Variants in ROR1 observed in about 807,000 individuals in gnomAD.
The protein encoded by ROR1 is ROR family WNT receptor 1.
Under a neutral mutation model 78.8 loss-of-function variants are expected in ROR1, and 19 were observed. The observed-to-expected ratio is 0.24, with a 90% CI of 0.17 to 0.35. ROR1 has a LOEUF of 0.35. Ranked by LOEUF, ROR1 falls within the 10% of genes least tolerant of loss-of-function variation. The pLI is 1.00. For synonymous variants in ROR1, 386 were observed against 433.6 expected, an observed-to-expected ratio of 0.89 and a Z score of 1.36; for missense variants, 917 against 1,177.8, an observed-to-expected ratio of 0.78 and a Z score of 3.24.
intron 1 of ROR1, among the ~76,000 whole-genome samples, chr1:63,814,130 G>A (rs975279019): frequency 4.6e-5 from 7 of 152,216 alleles, no homozygotes; most frequent in Non-Finnish European, 2.9e-5. Flanking sequence ...GTTTGAGTCA[G>A]GTCAGGGTCA....
chr1:64,069,801 G>A (rs1386274256), intron 4 of ROR1, among the ~76,000 whole-genome samples: 1 of 152,106 alleles, frequency 6.6e-6, no homozygotes, highest in Non-Finnish European at 1.5e-5. Context: ...GCTTTCCTGG[G>A]AAATCTCCCT....
chr1:63,888,036 C>G (rs1054321507), intron 1 of ROR1, among the ~76,000 whole-genome samples: 1 of 152,036 alleles, frequency 6.6e-6, no homozygotes, highest in Admixed American at 6.6e-5. Flanking sequence ...AAATCAGGAG[C>G]CTTTGTGTCC....
At chr1:63,917,583 C>A (rs1645618633) in intron 1 of ROR1, among the ~76,000 whole-genome samples, 1 of 152,154 alleles carries the variant, frequency 6.6e-6, no homozygotes, top group South Asian at 2.1e-4. Flanking sequence ...TTCATGGAAA[C>A]CGATGCAAAA....
At chr1:64,130,328 G>A (rs1394780796) in intron 4 of ROR1, among the ~76,000 whole-genome samples, 3 of 152,218 alleles carry the variant, frequency 2.0e-5, no homozygotes, top group East Asian at 3.9e-4. Flanking sequence ...ATGTTAACAT[G>A]TACTTTTTGA....
intron 4 of ROR1, among the ~76,000 whole-genome samples, chr1:64,130,353 C>A (rs1370422422): frequency 6.6e-6 from 1 of 152,152 alleles, no homozygotes; most frequent in Non-Finnish European, 1.5e-5. Flanking sequence ...CACTTTCAGA[C>A]CGGTCTTTAG....
At chr1:64,038,181 C>G (rs1448742622) in intron 2 of ROR1, among the ~76,000 whole-genome samples, 1 of 152,166 alleles carries the variant, frequency 6.6e-6, no homozygotes, top group African/African-American at 2.4e-5. Flanking sequence ...CCTCTCCTGT[C>G]TACTCCTCGC....
chr1:63,949,748 C>T (rs909031620), intron 1 of ROR1, among the ~76,000 whole-genome samples: 1 of 152,046 alleles, frequency 6.6e-6, no homozygotes, highest in Admixed American at 6.6e-5. Flanking sequence ...TTCAGACATG[C>T]TTAAGTTTCT....
chr1:63,826,419 G>T (rs1644953879), intron 1 of ROR1, among the ~76,000 whole-genome samples: 1 of 152,098 alleles, frequency 6.6e-6, no homozygotes, highest in African/African-American at 2.4e-5. Flanking sequence ...CAAAGGACAT[G>T]ATCTCATTCT....
chr1:64,175,701 T>G (rs1650361522), intron 8 of ROR1, among the ~76,000 whole-genome samples: 1 of 152,232 alleles, frequency 6.6e-6, no homozygotes, highest in Non-Finnish European at 1.5e-5. Context: ...ATTTGTCCTT[T>G]TAAGTGAGTA....
chr1:63,974,889 G>T (rs77834488), intron 1 of ROR1, among the ~76,000 whole-genome samples: 3,856 of 152,242 alleles, frequency 0.025, 165 homozygotes, highest in African/African-American at 0.088. Context: ...CAGAACTTGG[G>T]TTCCACCTCT....
intron 1 of ROR1, among the ~76,000 whole-genome samples, chr1:63,974,548 T>C (rs1646142841): frequency 6.6e-6 from 1 of 152,188 alleles, no homozygotes. Context: ...GTTCAAGCAA[T>C]TCTTCTGCCT....
At chr1:64,077,069 A>G (rs1569694113) in intron 4 of ROR1, among the ~76,000 whole-genome samples, 1 of 152,208 alleles carries the variant, frequency 6.6e-6, no homozygotes, top group African/African-American at 2.4e-5. Flanking sequence ...GTTATAGGGG[A>G]AAAAGACACA....
At position 63,785,497 on chromosome 1, in the gene ROR1, TTTTA is replaced by T. The variant is rs56141123; in HGVS notation, c.91+11018_91+11021del. Among the ~76,000 whole-genome samples, 443 of 147,660 alleles carry T rather than the reference TTTTA, an allele frequency of 3.0e-3. 2 individuals carry two copies. Among genetic ancestry groups the T allele is most frequent in the African/African-American group, 9.4e-3 (376 of 40,056 alleles). On this transcript the variant is annotated intron_variant, in intron 1 of 8. Transcript: ENST00000371079. ...CAAGCAGCAACTATATATATATATA[TTTTA>T]TTTATTTATTTATTTATTTATTTAT...
intron 1 of ROR1, among the ~76,000 whole-genome samples, chr1:63,983,594 G>C (rs1646228019): frequency 6.6e-6 from 1 of 152,196 alleles, no homozygotes; most frequent in African/African-American, 2.4e-5. Context: ...TAAGGCAGGA[G>C]TGTGGCTGGT....
chr1:63,971,325 T>A (rs1477693308), intron 1 of ROR1, among the ~76,000 whole-genome samples: 3 of 152,182 alleles, frequency 2.0e-5, no homozygotes, highest in African/African-American at 7.2e-5. Context: ...TTATAAGGAT[T>A]AAAGGAGTTA....
intron 2 of ROR1, among the ~76,000 whole-genome samples, chr1:64,045,331 TA>T (rs56279322): frequency 0.76 from 115,063 of 151,510 alleles, 44,299 homozygotes; most frequent in East Asian, 0.96. Flanking sequence ...TATTCAATAA[TA>T]AAAAAAAAAT....
rs571235068 is a variant in ROR1, at chr1:63,806,956, G to A, written c.91+32448G>A. ...GAGGGCCTGTCATTTTTCAGGCATG[G>A]TACTGGGTTCTTTGCATAAATGATT... On this transcript the variant is annotated intron_variant, in intron 1 of 8. Coordinates refer to ENST00000371079, the MANE Select transcript of ROR1 (RefSeq NM_005012.4). Among the ~76,000 whole-genome samples, 10 of 152,300 alleles carry A rather than the reference G, an allele frequency of 6.6e-5. No homozygotes were observed. In the South Asian group the frequency reaches 8.3e-4, roughly 13 times the overall value.
chr1:63,945,618 TAC>T (rs1569954165), intron 1 of ROR1, among the ~76,000 whole-genome samples: 1 of 152,308 alleles, frequency 6.6e-6, no homozygotes, highest in East Asian at 1.9e-4. Flanking sequence ...TTTATACCTT[TAC>T]TTGCTACATC....
At chr1:63,895,653 G>A (rs1380167295) in intron 1 of ROR1, among the ~76,000 whole-genome samples, 3 of 152,126 alleles carry the variant, frequency 2.0e-5, no homozygotes, top group African/African-American at 7.2e-5. Context: ...AGTGAATTTT[G>A]AGGTGCTCTG....
Sources: gnomAD v4.1 joint callset for allele counts (sites outside exome capture counted in the v4.1 genomes callset) on GRCh38, gnomAD v4.1.1 for gene constraint, MANE v1.5 for transcripts, NCBI Gene and HGNC (gene_info 2026-07-23, HGNC 2026-07-21) for gene names.